Variants in EXT1 observed in about 807,000 individuals in gnomAD.
EXT1 encodes the protein exostosin glycosyltransferase 1, also known as exostosin-1.
EXT1 carries 20 observed loss-of-function variants against 82.5 expected under a neutral mutation model. That is an observed-to-expected ratio of 0.24 (90% CI 0.17 to 0.35). The LOEUF (loss-of-function observed/expected upper bound fraction) is 0.35, where lower values mean the gene tolerates loss of function less well. EXT1 is among the 10% of genes least tolerant of loss of function. EXT1 has a pLI of 1.00. For synonymous variants in EXT1, 348 were observed against 350.8 expected, an observed-to-expected ratio of 0.99 and a Z score of 0.09; for missense variants, 757 against 936.5, an observed-to-expected ratio of 0.81 and a Z score of 2.50.
At chr8:117,887,682 CTCTT>C (rs34806223) in intron 1 of EXT1, among the ~76,000 whole-genome samples, 78,933 of 151,428 alleles carry the variant, frequency 0.52, 20,912 homozygotes, top group Admixed American at 0.63. Flanking sequence ...ATTAGTTTCT[CTCTT>C]TCTCATTGCT....
At chr8:118,072,825 G>C (rs757579808) in intron 1 of EXT1, among the ~76,000 whole-genome samples, 1 of 152,198 alleles carries the variant, frequency 6.6e-6, no homozygotes, top group African/African-American at 2.4e-5. Flanking sequence ...GCATGATAAA[G>C]AAATCGAGAG....
intron 1 of EXT1, among the ~76,000 whole-genome samples, chr8:118,010,932 TG>T (rs1464359305): frequency 6.6e-6 from 1 of 152,110 alleles, no homozygotes; most frequent in Non-Finnish European, 1.5e-5. Context: ...AAGCTTTCTG[TG>T]GGTAATTCAA....
chr8:117,951,567 A>C (rs372841278), intron 1 of EXT1, among the ~76,000 whole-genome samples: 1 of 152,222 alleles, frequency 6.6e-6, no homozygotes, highest in Non-Finnish European at 1.5e-5. Flanking sequence ...CCTATGGAAA[A>C]AGACAAATAA....
chr8:117,971,179 G>C (rs1554590099), intron 1 of EXT1, among the ~76,000 whole-genome samples: 1 of 152,118 alleles, frequency 6.6e-6, no homozygotes, highest in Non-Finnish European at 1.5e-5. Context: ...TGTCCTGTTT[G>C]GGGAGGGAGT....
In EXT1 at chr8:117,947,497, G is replaced by A. The variant is rs372301200; in HGVS notation, c.963-110296C>T. ...CTGAAAAAGCACAAATCATCACTAA[G>A]TTCAGAAACTTTCCAAAAGTTGATG... On this transcript the variant is annotated intron_variant, in intron 1 of 10. Transcript: ENST00000378204. Among the ~76,000 whole-genome samples the A allele has an allele frequency of 1.1e-4, 17 of 152,316 alleles. 1 individual carries two copies. The East Asian group carries it at 1.9e-3, about 17-fold the overall frequency.
At chr8:117,896,221 A>G (rs1813333111) in intron 1 of EXT1, among the ~76,000 whole-genome samples, 1 of 152,236 alleles carries the variant, frequency 6.6e-6, no homozygotes, top group Non-Finnish European at 1.5e-5. Flanking sequence ...CAAATCAAGA[A>G]GAGTTTCTAT....
intron 1 of EXT1, among the ~76,000 whole-genome samples, chr8:117,975,618 C>T (rs964758473): frequency 2.0e-5 from 3 of 152,138 alleles, no homozygotes; most frequent in African/African-American, 7.2e-5. Context: ...TCCCTTCCTC[C>T]CCTCTAACAT....
intron 1 of EXT1, among the ~76,000 whole-genome samples, chr8:117,939,650 C>G (rs536260133): frequency 7.9e-5 from 12 of 151,736 alleles, no homozygotes; most frequent in Non-Finnish European, 1.3e-4. Flanking sequence ...AGTCCCACAA[C>G]TGATAACTAA....
intron 1 of EXT1, among the ~76,000 whole-genome samples, chr8:117,860,762 G>A (rs1812668492): frequency 6.6e-6 from 1 of 152,210 alleles, no homozygotes; most frequent in African/African-American, 2.4e-5. Flanking sequence ...TGGCAGCACT[G>A]GACCTGCTGT....
At chr8:118,074,978 T>C (rs899954223) in intron 1 of EXT1, among the ~76,000 whole-genome samples, 7 of 152,172 alleles carry the variant, frequency 4.6e-5, no homozygotes, top group African/African-American at 1.7e-4. Flanking sequence ...TAGGTGTAGA[T>C]ACCAGTCTCA....
At chr8:118,028,728 G>A (rs1816247320) in intron 1 of EXT1, among the ~76,000 whole-genome samples, 1 of 151,698 alleles carries the variant, frequency 6.6e-6, no homozygotes, top group Middle Eastern at 3.4e-3. Flanking sequence ...TCAGGAGTTA[G>A]AGACCAGCCT....
At chr8:117,851,920 T>C (rs544054225) in intron 1 of EXT1, among the ~76,000 whole-genome samples, 6 of 152,264 alleles carry the variant, frequency 3.9e-5, no homozygotes, top group African/African-American at 4.8e-5. Context: ...AGGGCATCCA[T>C]AGGGACTGGC....
chr8:117,861,237 C>A (rs1475302407), intron 1 of EXT1, among the ~76,000 whole-genome samples: 1 of 152,212 alleles, frequency 6.6e-6, no homozygotes, highest in African/African-American at 2.4e-5. Context: ...CACTGAGCAT[C>A]CTTTGCGAAG....
chr8:118,033,366 T>C (rs955263795), intron 1 of EXT1, among the ~76,000 whole-genome samples: 1 of 152,220 alleles, frequency 6.6e-6, no homozygotes, highest in East Asian at 1.9e-4. Flanking sequence ...AAAATGTACA[T>C]ACTGTGTTCA....
intron 1 of EXT1, among the ~76,000 whole-genome samples, chr8:117,979,237 C>T (rs1815132061): frequency 6.6e-6 from 1 of 151,836 alleles, no homozygotes; most frequent in Non-Finnish European, 1.5e-5. Context: ...ACCTGTAGTC[C>T]CAGCTACTCG....
intron 8 of EXT1, among the ~76,000 whole-genome samples, 178 bp from the exon 9 acceptor site, chr8:117,807,555 C>A (rs1046589714): frequency 6.6e-6 from 1 of 152,118 alleles, no homozygotes; most frequent in African/African-American, 2.4e-5. Context: ...TAATTATGCA[C>A]ATTTTAATGT....
chr8:117,807,070 C>G, intron 9 of EXT1, 147 bp downstream of exon 9: 1 of 894,410 alleles, frequency 1.1e-6, no homozygotes, highest in African/African-American at 1.6e-5. Flanking sequence ...CAAAAACACA[C>G]ATTTGACACA....
chr8:118,093,217 T>G (rs1035258379), intron 1 of EXT1, among the ~76,000 whole-genome samples: 4 of 136,214 alleles, frequency 2.9e-5, no homozygotes, highest in Non-Finnish European at 4.6e-5. Context: ...AACAGCCCCT[T>G]GATGCTTGGC....
intron 1 of EXT1, among the ~76,000 whole-genome samples, chr8:117,944,361 T>A (rs1363946885): frequency 6.6e-6 from 1 of 152,220 alleles, no homozygotes; most frequent in Non-Finnish European, 1.5e-5. Context: ...ATTGTGCCAC[T>A]GTACTCCAGC....
Sources: gnomAD v4.1 joint callset for allele counts (sites outside exome capture counted in the v4.1 genomes callset) on GRCh38, gnomAD v4.1.1 for gene constraint, MANE v1.5 for transcripts, NCBI Gene and HGNC (gene_info 2026-07-23, HGNC 2026-07-21) for gene names.